The following ZNF718 variants were observed in gnomAD, a reference collection of about 807,000 sequenced individuals.
ZNF718 encodes the protein zinc finger protein 718.
Under a neutral mutation model 2.6 loss-of-function variants are expected in ZNF718, and 3 were observed. The ratio of observed to expected loss-of-function variants is 1.16; its 90% confidence interval spans 0.53 to 3.01. The LOEUF (loss-of-function observed/expected upper bound fraction) is 3.01. Among genes scored for constraint, ZNF718 ranks in the 30% most tolerant of loss-of-function variants. The pLI is 0.03. For synonymous variants in ZNF718, 135 were observed against 77.9 expected (o/e 1.73, Z -3.86); for missense variants, 468 against 230.0 (o/e 2.03, Z -6.69).
intron 3 of ZNF718, among the ~76,000 whole-genome samples, chr4:194,865 T>C (rs1581487709): frequency 1.3e-5 from 2 of 152,358 alleles, no homozygotes; most frequent in South Asian, 4.1e-4. Flanking sequence ...CATTTTCCGA[T>C]GAGCATTAGT....
chr4:196,903 G>C (rs1455991716), intron 3 of ZNF718, among the ~76,000 whole-genome samples: 1 of 151,722 alleles, frequency 6.6e-6, no homozygotes, highest in Non-Finnish European at 1.5e-5. Context: ...AGAATAGCAA[G>C]TGAAAGTGGT....
At chr4:177,284 T>C (rs1717368335) in intron 3 of ZNF718, among the ~76,000 whole-genome samples, 1 of 152,226 alleles carries the variant, frequency 6.6e-6, no homozygotes, top group South Asian at 2.1e-4. Flanking sequence ...TATTATCTTA[T>C]GACTGTAGTT....
intron 3 of ZNF718, among the ~76,000 whole-genome samples, chr4:171,265 C>G (rs1221641764): frequency 2.0e-5 from 3 of 152,166 alleles, no homozygotes; most frequent in Non-Finnish European, 4.4e-5. Flanking sequence ...TGGGGGATGC[C>G]TCCCAGTTAG....
intron 3 of ZNF718, among the ~76,000 whole-genome samples, chr4:171,571 C>T (rs540427969): frequency 4.6e-5 from 7 of 152,258 alleles, no homozygotes; most frequent in Admixed American, 2.6e-4. Context: ...GCCTCACTGC[C>T]GCCTTGCAGT....
At chr4:152,659 TC>T (rs782268193) in intron 3 of ZNF718, among the ~76,000 whole-genome samples, 18 of 152,062 alleles carry the variant, frequency 1.2e-4, no homozygotes, top group Non-Finnish European at 2.5e-4. Context: ...TATGTCTACT[TC>T]TTTCTACACA....
intron 3 of ZNF718, among the ~76,000 whole-genome samples, chr4:187,752 T>A (rs1717597968): frequency 6.6e-6 from 1 of 151,968 alleles, no homozygotes; most frequent in Admixed American, 6.5e-5. Context: ...GGAGTCTGGC[T>A]GTGTTTTGGT....
chr4:163,567 G>GTAC lies in ZNF718; in HGVS notation c.*1446_*1448dup, dbSNP rs2108806487. ...GACTTATCATTGCATGATGCATGAC[G>GTAC]TACATGTTCAGAGTAATATTCTTCT... is the stretch of plus-strand genomic sequence containing the variant. On this transcript the variant is annotated 3_prime_UTR_variant, in exon 4 of 4. Coordinates refer to ENST00000510175, the MANE Select transcript of ZNF718 (RefSeq NM_001039127.6). 1 of 152,222 alleles carries GTAC rather than the reference G, an allele frequency of 6.6e-6. No homozygotes were observed. The highest frequency in any genetic ancestry group is 2.1e-4 in the South Asian group (1 of 4,824). The allele number at this position is 152,222 out of a possible 1,614,324, so 9.4% of individuals were successfully genotyped here.
At chr4:125,933 C>G (rs765966054) in intron 1 of ZNF718, among the ~76,000 whole-genome samples, 3 of 152,174 alleles carry the variant, frequency 2.0e-5, no homozygotes, top group Non-Finnish European at 2.9e-5. Flanking sequence ...TAGCAGGAGC[C>G]CGTTTCCTTC....
chr4:135,686 G>A (rs1715529248), intron 3 of ZNF718, among the ~76,000 whole-genome samples: 1 of 89,988 alleles, frequency 1.1e-5, no homozygotes, highest in South Asian at 3.9e-4. Flanking sequence ...GTATCCTGAT[G>A]CTTTAATGAA....
At chr4:184,080 TG>T (rs1319378889) in intron 3 of ZNF718, among the ~76,000 whole-genome samples, 4 of 152,320 alleles carry the variant, frequency 2.6e-5, no homozygotes, top group Admixed American at 1.3e-4. Flanking sequence ...ATCCTTATCT[TG>T]TGCTGATTTT....
intron 3 of ZNF718, among the ~76,000 whole-genome samples, chr4:144,719 ACTT>A (rs1715971945): frequency 6.6e-6 from 1 of 151,740 alleles, no homozygotes; most frequent in Non-Finnish European, 1.5e-5. Flanking sequence ...GAGATCTTTC[ACTT>A]CTTTGGTTAA....
chr4:198,683 A>G (rs1553822367), intron 3 of ZNF718, among the ~76,000 whole-genome samples: 1 of 152,198 alleles, frequency 6.6e-6, no homozygotes, highest in African/African-American at 2.4e-5. Context: ...ATTAATACAT[A>G]TACACCTTTC....
rs1716972579 is a variant in ZNF718, at chr4:163,118, A to G, written c.*996A>G. Reference sequence around the variant, plus strand: ...CATACTGATTCAACTTATTGTTTATATGAAAGCATGTGATGAATTGTTGCA... The same window carrying G: ...CATACTGATTCAACTTATTGTTTATGTGAAAGCATGTGATGAATTGTTGCA... On this transcript the variant is annotated 3_prime_UTR_variant, in exon 4 of 4. Coordinates refer to ENST00000510175, the MANE Select transcript of ZNF718 (RefSeq NM_001039127.6). The G allele has an allele frequency of 1.3e-5, 2 of 152,176 alleles. No homozygotes were observed. The highest frequency in any genetic ancestry group is 2.9e-5 in the Non-Finnish European group (2 of 68,034). 9.4% of individuals were successfully genotyped at this position (152,176 alleles called of 1,614,324 possible). A position where few individuals can be genotyped will look rare whatever the true frequency, so the allele number is the denominator to read the frequency against.
Position 179,474 on chromosome 4 carries a change from A to G in ZNF718, c.227-21607A>G, listed in dbSNP as rs77596736. Reference sequence around the variant, plus strand: ...ACATGGAATTTGTGCATCACTGAGTAGTATTGACAGCTTAACAATACTAAG... The same window carrying G: ...ACATGGAATTTGTGCATCACTGAGTGGTATTGACAGCTTAACAATACTAAG... On this transcript the variant is annotated intron_variant and NMD_transcript_variant, in intron 3 of 4. Transcript: ENST00000642529. Among the ~76,000 whole-genome samples the G allele has an allele frequency of 3.5e-4, 53 of 152,316 alleles. 1 individual carries two copies. In the East Asian group the frequency reaches 9.6e-3, roughly 28 times the overall value.
chr4:184,694 G>A (rs1717533864), intron 3 of ZNF718, among the ~76,000 whole-genome samples: 1 of 151,974 alleles, frequency 6.6e-6, no homozygotes, highest in South Asian at 2.1e-4. Flanking sequence ...TTCAGAACTT[G>A]TAATTGGCCT....
intron 3 of ZNF718, among the ~76,000 whole-genome samples, chr4:150,744 G>GT (rs1393661354): frequency 6.9e-6 from 1 of 145,134 alleles, no homozygotes; most frequent in African/African-American, 2.5e-5. Context: ...TACTGATTTT[G>GT]TTTTTTTTAG....
intron 3 of ZNF718, among the ~76,000 whole-genome samples, chr4:148,812 C>T (rs1716187547): frequency 6.6e-6 from 1 of 152,066 alleles, no homozygotes. Context: ...ACCTGAGACA[C>T]AGGACATTAT....
intron 3 of ZNF718, among the ~76,000 whole-genome samples, chr4:194,002 C>T (rs1335024006): frequency 1.3e-5 from 2 of 152,182 alleles, no homozygotes; most frequent in Non-Finnish European, 2.9e-5. Flanking sequence ...CCAGCCTTTC[C>T]CTGTTCCAGA....
chr4:158,194 A>G (rs1716662338), intron 3 of ZNF718, among the ~76,000 whole-genome samples: 2 of 151,724 alleles, frequency 1.3e-5, no homozygotes, highest in Admixed American at 6.6e-5. Context: ...TATAATTTTG[A>G]CCTCTTATTT....
Sources: gnomAD v4.1 joint callset for allele counts (sites outside exome capture counted in the v4.1 genomes callset) on GRCh38, gnomAD v4.1.1 for gene constraint, MANE v1.5 for transcripts, NCBI Gene and HGNC (gene_info 2026-07-23, HGNC 2026-07-21) for gene names.